Variants in DLGAP2 observed in about 807,000 individuals in gnomAD.
The protein encoded by DLGAP2 is disks large-associated protein 2.
Under a neutral mutation model 100.3 loss-of-function variants are expected in DLGAP2, and 26 were observed. The observed-to-expected ratio is 0.26, with a 90% CI of 0.19 to 0.36. The LOEUF is 0.36. DLGAP2 is among the 10% of genes least tolerant of loss of function. The pLI, the probability that DLGAP2 is intolerant of heterozygous loss-of-function variation, is 1.00. For missense variants in DLGAP2, 1,858 were observed against 1,453.2 expected, an observed-to-expected ratio of 1.28 and a Z score of -4.53; for synonymous variants, 886 against 630.1, an observed-to-expected ratio of 1.41 and a Z score of -6.08.
chr8:1,336,693 C>T (rs1420523760), intron 3 of DLGAP2, among the ~76,000 whole-genome samples: 2 of 152,192 alleles, frequency 1.3e-5, no homozygotes, highest in Non-Finnish European at 2.9e-5. Flanking sequence ...TCTGTTGAGC[C>T]ACTCTTTTCT....
In DLGAP2 at chr8:1,632,550, T is replaced by C. The variant is rs768630094; in HGVS notation, c.1591-277T>C. On this transcript the variant is annotated intron_variant, in intron 7 of 14. Transcript: ENST00000637795. ...TAAAAGTTCTATCTCTCTTACACTT[T>C]GTAATAACTGTCAGCCTTACCTTGA... Among the ~76,000 whole-genome samples the C allele has an allele frequency of 3.9e-5, 6 of 152,352 alleles. No individual in the cohort carries two copies. In the South Asian group the frequency reaches 6.2e-4, roughly 16 times the overall value.
chr8:1,050,640 C>T (rs1449037754), intron 2 of DLGAP2, among the ~76,000 whole-genome samples: 2 of 152,178 alleles, frequency 1.3e-5, no homozygotes, highest in African/African-American at 4.8e-5. Flanking sequence ...ATCCCATGTA[C>T]ATGGGATAAT....
chr8:1,026,618 A>T (rs550556762), intron 2 of DLGAP2, among the ~76,000 whole-genome samples: 1 of 152,376 alleles, frequency 6.6e-6, no homozygotes, highest in South Asian at 2.1e-4. Flanking sequence ...AACTGACAAA[A>T]TTCACAATAA....
chr8:1,265,142 T>A (rs767709698), intron 3 of DLGAP2, among the ~76,000 whole-genome samples: 8 of 152,160 alleles, frequency 5.3e-5, no homozygotes, highest in Non-Finnish European at 8.8e-5. Flanking sequence ...AACAGGAGAA[T>A]GAACAACCAA....
At chr8:1,161,762 C>T (rs912389647) in intron 2 of DLGAP2, among the ~76,000 whole-genome samples, 1 of 152,020 alleles carries the variant, frequency 6.6e-6, no homozygotes, top group South Asian at 2.1e-4. Flanking sequence ...AAGCCTCCCC[C>T]GGGTGCCATG....
At chr8:1,127,207 C>T (rs540209709) in intron 2 of DLGAP2, among the ~76,000 whole-genome samples, 2 of 151,478 alleles carry the variant, frequency 1.3e-5, no homozygotes, top group South Asian at 4.2e-4. Flanking sequence ...CCTGGAGCCG[C>T]CTCTTGCAGG....
intron 3 of DLGAP2, among the ~76,000 whole-genome samples, chr8:1,326,037 C>A (rs1202361784): frequency 6.6e-6 from 1 of 152,116 alleles, no homozygotes; most frequent in African/African-American, 2.4e-5. Context: ...AAAAGATGGG[C>A]CATTTGTTCA....
chr8:945,810 C>T (rs1799304314), intron 2 of DLGAP2, among the ~76,000 whole-genome samples: 1 of 152,062 alleles, frequency 6.6e-6, no homozygotes, highest in Non-Finnish European at 1.5e-5. Flanking sequence ...CTCTCTCGCT[C>T]CCTCGCTGTC....
intron 2 of DLGAP2, among the ~76,000 whole-genome samples, chr8:1,186,911 G>A (rs980808144): frequency 2.0e-5 from 3 of 152,076 alleles, no homozygotes; most frequent in Admixed American, 2.0e-4. Flanking sequence ...CCCTTAAACA[G>A]GTATTTGGGA....
chr8:883,567 A>C (rs1384009571), intron 1 of DLGAP2, among the ~76,000 whole-genome samples: 1 of 151,324 alleles, frequency 6.6e-6, no homozygotes, highest in Non-Finnish European at 1.5e-5. Context: ...TTTGTTACAC[A>C]GGTACGCGTG....
At chr8:1,640,741 A>G (rs2130793174) in intron 8 of DLGAP2, among the ~76,000 whole-genome samples, 1 of 152,272 alleles carries the variant, frequency 6.6e-6, no homozygotes, top group African/African-American at 2.4e-5. Flanking sequence ...AACGCTAAAA[A>G]CAGGCACAGG....
At chr8:818,829 G>A (rs1796533537) in intron 1 of DLGAP2, among the ~76,000 whole-genome samples, 1 of 152,172 alleles carries the variant, frequency 6.6e-6, no homozygotes, top group Non-Finnish European at 1.5e-5. Flanking sequence ...AATTTTTGCT[G>A]AGAAATTTGA....
At chr8:977,408 G>T (rs926872923) in intron 2 of DLGAP2, among the ~76,000 whole-genome samples, 5 of 152,338 alleles carry the variant, frequency 3.3e-5, no homozygotes, top group African/African-American at 9.6e-5. Context: ...TCCATGGAGG[G>T]CACATGGCAA....
chr8:1,463,801 G>A (rs928038276), intron 3 of DLGAP2, among the ~76,000 whole-genome samples: 2 of 152,220 alleles, frequency 1.3e-5, no homozygotes, highest in African/African-American at 2.4e-5. Flanking sequence ...GTGCAGCCAC[G>A]AGGGCTTCAG....
At position 1,379,353 on chromosome 8, in the gene DLGAP2, C is replaced by G. The variant is rs567459927; in HGVS notation, c.106+120470C>G. On this transcript the variant is annotated intron_variant, in intron 3 of 14. Coordinates refer to ENST00000637795, the MANE Select transcript of DLGAP2 (RefSeq NM_001346810.2). ...CGTCTTTGCTAAGTCATGTCCCTGGCACAGCCGCCCCACACGGCACGTACG... is the reference window on the plus strand; with the variant it reads ...CGTCTTTGCTAAGTCATGTCCCTGGGACAGCCGCCCCACACGGCACGTACG... Among the ~76,000 whole-genome samples, 3 of 152,366 alleles carry G rather than the reference C, an allele frequency of 2.0e-5. No individual in the cohort carries two copies. The South Asian group carries it at 6.2e-4, about 32-fold the overall frequency.
chr8:1,481,990 C>T (rs1191493473), intron 3 of DLGAP2, among the ~76,000 whole-genome samples: 1 of 152,238 alleles, frequency 6.6e-6, no homozygotes, highest in Admixed American at 6.5e-5. Flanking sequence ...TGACTGCTCT[C>T]AGCCCTCCTG....
At chr8:1,176,416 G>A (rs542491981) in intron 2 of DLGAP2, among the ~76,000 whole-genome samples, 1 of 152,210 alleles carries the variant, frequency 6.6e-6, no homozygotes, top group Admixed American at 6.5e-5. Flanking sequence ...AGCTCCGTTA[G>A]ATCTACACTT....
chr8:1,498,811 A>G (rs1022616309), intron 3 of DLGAP2, among the ~76,000 whole-genome samples: 1 of 152,228 alleles, frequency 6.6e-6, no homozygotes, highest in African/African-American at 2.4e-5. Context: ...TGCCCTGTAC[A>G]AAATGTAGGC....
chr8:1,670,744 C>T (rs546914002), intron 10 of DLGAP2, among the ~76,000 whole-genome samples: 1 of 152,248 alleles, frequency 6.6e-6, no homozygotes, highest in African/African-American at 2.4e-5. Context: ...AGCTGGCGGT[C>T]TCACAATTAT....
Sources: allele counts gnomAD v4.1 joint callset (sites outside exome capture counted in the v4.1 genomes callset), GRCh38; gene constraint gnomAD v4.1.1; transcripts MANE v1.5; gene names NCBI Gene and HGNC (gene_info 2026-07-23, HGNC 2026-07-21).